C1QTNF3: variants seen among roughly 807,000 people sequenced by gnomAD.
The protein encoded by C1QTNF3 is complement C1q tumor necrosis factor-related protein 3.
A neutral mutation model predicts 32.6 loss-of-function variants in C1QTNF3; 26 were observed. That is an observed-to-expected ratio of 0.80 (90% CI 0.58 to 1.11). The LOEUF is 1.11. Ranked by LOEUF, C1QTNF3 falls within the 50% of genes least tolerant of loss-of-function variation. The pLI is 0.00. For synonymous variants in C1QTNF3, 155 were observed against 146.0 expected (o/e 1.06, Z -0.44); for missense variants, 362 against 398.2 (o/e 0.91, Z 0.77).
chr5:34,031,740 C>G (rs976304079), intron 3 of C1QTNF3, among the ~76,000 whole-genome samples: 2 of 152,152 alleles, frequency 1.3e-5, no homozygotes, highest in Non-Finnish European at 2.9e-5. Context: ...GAGGCTGAGG[C>G]AAGAGAATCG....
the C1QTNF3 span, among the ~76,000 whole-genome samples, chr5:34,056,700 G>A: frequency 7.3e-4 from 110 of 151,650 alleles, no homozygotes; most frequent in Admixed American, 2.4e-3. Flanking sequence ...TGGTAAAGAT[G>A]AAGTCTCACT....
the C1QTNF3 span, among the ~76,000 whole-genome samples, chr5:34,056,455 T>TGTGC: frequency 5.1e-5 from 2 of 39,032 alleles, no homozygotes; most frequent in African/African-American, 2.2e-4. Flanking sequence ...TGTGTGTGTG[T>TGTGC]ATATATATAT....
chr5:34,089,348 A>AAGG, the C1QTNF3 span, among the ~76,000 whole-genome samples: 1 of 151,968 alleles, frequency 6.6e-6, no homozygotes, highest in Non-Finnish European at 1.5e-5. Context: ...TCTGATTCCC[A>AAGG]AGGTATCAGG....
At chr5:34,023,876 T>C in intron 5 of C1QTNF3, 33 bp downstream of exon 5, 1 of 1,552,074 alleles carries the variant, frequency 6.4e-7, no homozygotes, top group Non-Finnish European at 8.9e-7. Flanking sequence ...AATGGCAGCA[T>C]GGATGAGACC....
the C1QTNF3 span, among the ~76,000 whole-genome samples, chr5:34,154,807 C>T: frequency 6.6e-6 from 1 of 152,042 alleles, no homozygotes; most frequent in African/African-American, 2.4e-5. Flanking sequence ...CTCTGGGCAT[C>T]AGGTAGAGAT....
Position 34,033,384 on chromosome 5 carries a change from C to G in C1QTNF3, c.490G>C (p.Asp164His). The change falls in exon 3 of 6, where the codon GAC (aspartate) becomes CAC (histidine). Residue 164 changes from aspartate (D) to histidine (H), a missense_variant. Physicochemically the swap from Asp to His is moderately conservative, Grantham distance 81. Transcript: ENST00000382065. ...GAKGEKGDKG[D>H]LGPRGERGQH... ...CCCCGCTCCCCTCGAGGCCCCAGGT[C>G]ACCTTTGTCGCCCTTCTCACCTTTG... The G allele has an allele frequency of 1.2e-6, 2 of 1,614,050 alleles. No individual in the cohort carries two copies. The highest frequency in any genetic ancestry group is 1.7e-6 in the Non-Finnish European group (2 of 1,180,008).
the C1QTNF3 span, among the ~76,000 whole-genome samples, chr5:34,148,866 G>C: frequency 8.4e-5 from 4 of 47,382 alleles, no homozygotes; most frequent in Non-Finnish European, 1.2e-4. Flanking sequence ...GAATGATTTT[G>C]ACGAGCTGAG....
the C1QTNF3 span, among the ~76,000 whole-genome samples, chr5:34,225,823 A>G: frequency 2.6e-5 from 4 of 151,668 alleles, no homozygotes; most frequent in African/African-American, 9.7e-5. Context: ...ACTTATCATT[A>G]AAGATTTGGT....
chr5:34,135,125 T>C, the C1QTNF3 span, among the ~76,000 whole-genome samples: 1 of 152,224 alleles, frequency 6.6e-6, no homozygotes, highest in Non-Finnish European at 1.5e-5. Context: ...GTTTTCAGCA[T>C]GAAGGGCTAT....
At chr5:34,055,126 T>C in the C1QTNF3 span, among the ~76,000 whole-genome samples, 1 of 152,242 alleles carries the variant, frequency 6.6e-6, no homozygotes, top group South Asian at 2.1e-4. Flanking sequence ...TTGGCTGTAA[T>C]GTCACTATTG....
At chr5:34,177,561 A>C in the C1QTNF3 span, among the ~76,000 whole-genome samples, 2 of 137,320 alleles carry the variant, frequency 1.5e-5, no homozygotes, top group Non-Finnish European at 3.0e-5. Flanking sequence ...ATCTCGGCTC[A>C]CTGCAACCTC....
At chr5:34,185,048 A>C in the C1QTNF3 span, among the ~76,000 whole-genome samples, 1 of 152,308 alleles carries the variant, frequency 6.6e-6, no homozygotes, top group Admixed American at 6.5e-5. Flanking sequence ...ATGTGTGCTT[A>C]TTTAATATAT....
At chr5:34,236,688 C>T in the C1QTNF3 span, among the ~76,000 whole-genome samples, 22 of 144,594 alleles carry the variant, frequency 1.5e-4, no homozygotes, top group African/African-American at 5.0e-4. Flanking sequence ...GATTCTCCTG[C>T]CTTAGCCTCC....
chr5:34,229,241 A>G, the C1QTNF3 span, among the ~76,000 whole-genome samples: 178 of 152,056 alleles, frequency 1.2e-3, 1 homozygote, highest in East Asian at 0.03. Context: ...ACATTTACAT[A>G]TCATAAAAAA....
At chr5:34,050,681 A>G in the C1QTNF3 span, among the ~76,000 whole-genome samples, 9 of 152,212 alleles carry the variant, frequency 5.9e-5, no homozygotes, top group Non-Finnish European at 1.0e-4. Context: ...TGAATCACAT[A>G]TACCCCTTCC....
chr5:34,050,226 G>T, the C1QTNF3 span, among the ~76,000 whole-genome samples: 2 of 152,074 alleles, frequency 1.3e-5, no homozygotes, highest in African/African-American at 2.4e-5. Flanking sequence ...GGGTTCCATA[G>T]ACCTCTCCAC....
At chr5:34,230,800 TAAAAC>T in the C1QTNF3 span, among the ~76,000 whole-genome samples, 21 of 151,150 alleles carry the variant, frequency 1.4e-4, no homozygotes, top group East Asian at 1.8e-3. Flanking sequence ...TTTATCTTAT[TAAAAC>T]AAAACAAAAC....
the C1QTNF3 span, chr5:34,106,144 A>G: frequency 6.6e-6 from 1 of 152,010 alleles, no homozygotes; most frequent in Non-Finnish European, 1.5e-5. Context: ...AGTTTATAGT[A>G]TATCATATTT....
the C1QTNF3 span, among the ~76,000 whole-genome samples, chr5:34,224,088 T>C: frequency 1.3e-5 from 2 of 152,028 alleles, no homozygotes; most frequent in African/African-American, 4.8e-5. Context: ...GGAATCCAAC[T>C]TAAAAGGGAT....
Sources: gnomAD v4.1 joint callset for allele counts (sites outside exome capture counted in the v4.1 genomes callset) on GRCh38, gnomAD v4.1.1 for gene constraint, MANE v1.5 for transcripts, NCBI Gene and HGNC (gene_info 2026-07-23, HGNC 2026-07-21) for gene names.